The following CDH19 variants were observed in gnomAD, a reference collection of about 807,000 sequenced individuals.
CDH19 encodes cadherin-19.
A neutral mutation model predicts 64.2 loss-of-function variants in CDH19; 67 were observed. That is an observed-to-expected ratio of 1.04 (90% CI 0.86 to 1.28). CDH19 has a LOEUF of 1.28. Ranked by LOEUF, CDH19 falls within the 50% of genes most tolerant of loss-of-function variation. The pLI is 0.00. For missense variants in CDH19, 1,030 were observed against 929.0 expected (o/e 1.11, Z -1.41); for synonymous variants, 346 against 319.3 (o/e 1.08, Z -0.89).
chr18:66,522,445 G>A (rs1415245940), intron 9 of CDH19, among the ~76,000 whole-genome samples: 2 of 151,816 alleles, frequency 1.3e-5, no homozygotes, highest in Admixed American at 1.3e-4. Flanking sequence ...AGACGGGGGT[G>A]CGCCATGTTG....
chr18:66,603,484 A>T lies in CDH19; in HGVS notation c.-113+470T>A, dbSNP rs987593152. Among the ~76,000 whole-genome samples, 83 of 145,632 alleles carry T rather than the reference A, an allele frequency of 5.7e-4. 2 individuals are homozygous for T. Among genetic ancestry groups the T allele is most frequent in the African/African-American group, 2.0e-3 (81 of 41,172 alleles). On this transcript the variant is annotated intron_variant, in intron 1 of 11. Coordinates refer to ENST00000262150, the MANE Select transcript of CDH19 (RefSeq NM_021153.4). ...TTTTTGGAATTATAATATACTTAAA[A>T]TTTTTCATATTTATTCTGTATATAT...
intron 9 of CDH19, among the ~76,000 whole-genome samples, chr18:66,513,713 G>A (rs187307366): frequency 2.6e-5 from 4 of 151,390 alleles, no homozygotes; most frequent in East Asian, 3.9e-4. Flanking sequence ...GGGAACTATC[G>A]TTGACCTTAT....
chr18:66,598,187 A>C (rs1419626355), intron 1 of CDH19, among the ~76,000 whole-genome samples: 2 of 152,190 alleles, frequency 1.3e-5, no homozygotes, highest in Non-Finnish European at 2.9e-5. Flanking sequence ...GAATTCTTAC[A>C]CACTGCTGAT....
chr18:66,583,025 C>T (rs1988469823), intron 1 of CDH19, among the ~76,000 whole-genome samples: 1 of 152,012 alleles, frequency 6.6e-6, no homozygotes, highest in African/African-American at 2.4e-5. Flanking sequence ...ACTATCAGAC[C>T]ATGATTTGCC....
rs1984981213 is a variant in CDH19 at position 66,502,338 on chromosome 18, T to A, written c.*2474A>T. ...TCTTATAATCAACTCAACCAGAATC[T>A]ATTTTAATATATCTCTTTAGTGCCA... On this transcript the variant is annotated 3_prime_UTR_variant, in exon 12 of 12. Transcript: ENST00000262150. 6.6e-6 allele frequency: 1 copy of A among 152,062 alleles called. No homozygotes were observed. The highest frequency in any genetic ancestry group is 6.6e-5 in the Admixed American group (1 of 15,242). 9.4% of individuals were successfully genotyped at this position (152,062 alleles called of 1,614,324 possible). A position where few individuals can be genotyped will look rare whatever the true frequency, so the allele number is the denominator to read the frequency against.
chr18:66,532,071 A>C (rs541641355), intron 8 of CDH19, among the ~76,000 whole-genome samples: 2 of 152,138 alleles, frequency 1.3e-5, no homozygotes, highest in East Asian at 3.9e-4. Flanking sequence ...GGCTCAAGCG[A>C]TTCTCCTGCC....
intron 11 of CDH19, among the ~76,000 whole-genome samples, chr18:66,506,155 C>T (rs1349208677): frequency 6.6e-6 from 1 of 151,772 alleles, no homozygotes; most frequent in African/African-American, 2.4e-5. Flanking sequence ...TGATAGGTAC[C>T]AAGATTTGGA....
intron 4 of CDH19, 54 bp from the exon 5 acceptor site, chr18:66,551,312 C>A: frequency 1.0e-6 from 1 of 995,982 alleles, no homozygotes; most frequent in Non-Finnish European, 1.6e-6. Flanking sequence ...TGACAAAGTT[C>A]TAGTTAATTT....
chr18:66,583,068 CTGTATTGAAGATTTG>C (rs1988471368), intron 1 of CDH19, among the ~76,000 whole-genome samples: 1 of 151,980 alleles, frequency 6.6e-6, no homozygotes, highest in African/African-American at 2.4e-5. Context: ...TTGTATGCTC[CTGTATTGAAGATTTG>C]CCTAAAACAC....
At chr18:66,560,498 A>G (rs1987679770) in intron 3 of CDH19, among the ~76,000 whole-genome samples, 1 of 152,088 alleles carries the variant, frequency 6.6e-6, no homozygotes, top group African/African-American at 2.4e-5. Flanking sequence ...AAAAATAAGA[A>G]TATAAATATT....
rs183200108 is a variant in CDH19, at chr18:66,555,748, A to G, written c.491-1224T>C. Among the ~76,000 whole-genome samples, 329 of 151,906 alleles carry G rather than the reference A, an allele frequency of 2.2e-3. 7 individuals are homozygous for G. Among genetic ancestry groups the G allele is most frequent in the Admixed American group, 0.02 (306 of 15,208 alleles). On this transcript the variant is annotated intron_variant, in intron 3 of 11. Transcript: ENST00000262150. ...TTTGTGAAAGTTTTTCCAACAAAAT[A>G]GTTAACAGGGACCATCACTTTCATT...
In CDH19 at chr18:66,511,546, CATT is replaced by C. The variant is rs1185208966; in HGVS notation, c.1576+19_1576+21del. 7.0e-6 allele frequency: 7 copies of C among 996,650 alleles called. No homozygotes were observed. The highest frequency in any genetic ancestry group is 1.1e-5 in the Non-Finnish European group (7 of 629,080). 61.7% of individuals were successfully genotyped at this position (996,650 alleles called of 1,614,324 possible). On this transcript the variant is annotated intron_variant, in intron 10 of 11. Coordinates refer to ENST00000262150, the MANE Select transcript of CDH19 (RefSeq NM_021153.4). ...TGAGTCACAAAAATGTATCAAAACTCATTATGAGTGAATGACATTACCTTGATT... is the reference window on the plus strand; with the variant it reads ...TGAGTCACAAAAATGTATCAAAACTCATGAGTGAATGACATTACCTTGATT...
chr18:66,578,526 T>G (rs1367516412), intron 1 of CDH19, among the ~76,000 whole-genome samples: 1 of 151,828 alleles, frequency 6.6e-6, no homozygotes, highest in African/African-American at 2.4e-5. Context: ...ACTGCTAGTG[T>G]GAATGTAAAA....
chr18:66,554,390 T>A lies in CDH19; in HGVS notation c.610+15A>T. 1 of 1,609,826 alleles carries A rather than the reference T, an allele frequency of 6.2e-7. No homozygotes were observed. The highest frequency in any genetic ancestry group is 1.7e-5 in the Admixed American group (1 of 59,554). On this transcript the variant is annotated intron_variant, in intron 4 of 11. Coordinates refer to ENST00000262150, the MANE Select transcript of CDH19 (RefSeq NM_021153.4). ...TAGAATCATGTTAAACTTTGCTTGTTTCATTCACAAATACCTGTTGTTGGT... is the reference window on the plus strand; with the variant it reads ...TAGAATCATGTTAAACTTTGCTTGTATCATTCACAAATACCTGTTGTTGGT...
chr18:66,532,840 G>A, intron 8 of CDH19: 1 of 393,578 alleles, frequency 2.5e-6, no homozygotes, highest in South Asian at 2.0e-5. Context: ...GCAAATACAG[G>A]CGGTCACTCC....
chr18:66,501,851 A>C lies in CDH19; in HGVS notation c.*2961T>G. The stretch of plus-strand genomic sequence containing the variant: ...ATTATATGTTCGCTTAATTGAAAGT[A>C]ACTAATTCAAACAAAGATCTGTTAG... On this transcript the variant is annotated 3_prime_UTR_variant, in exon 12 of 12. Transcript: ENST00000262150. The C allele has an allele frequency of 6.6e-6, 1 of 152,124 alleles. No homozygotes were observed. Among genetic ancestry groups the C allele is most frequent in the Non-Finnish European group, 1.5e-5 (1 of 68,018 alleles). The allele number at this position is 152,124 out of a possible 1,614,324, so 9.4% of individuals were successfully genotyped here.
chr18:66,598,716 A>G (rs1302872905), intron 1 of CDH19, among the ~76,000 whole-genome samples: 1 of 152,084 alleles, frequency 6.6e-6, no homozygotes, highest in Non-Finnish European at 1.5e-5. Flanking sequence ...GAATCAAAAA[A>G]CTATCTGTCA....
At chr18:66,527,047 A>ATATG (rs141866109) in intron 9 of CDH19, among the ~76,000 whole-genome samples, 54 of 144,992 alleles carry the variant, frequency 3.7e-4, no homozygotes, top group East Asian at 9.9e-4. Flanking sequence ...ATATATATAT[A>ATATG]TGTGTGTGTG....
At chr18:66,558,980 C>T (rs1003179465) in intron 3 of CDH19, among the ~76,000 whole-genome samples, 1 of 151,916 alleles carries the variant, frequency 6.6e-6, no homozygotes, top group African/African-American at 2.4e-5. Flanking sequence ...CCGTTCATGT[C>T]CTGATTATTG....
Sources: allele counts gnomAD v4.1 joint callset (sites outside exome capture counted in the v4.1 genomes callset), GRCh38; gene constraint gnomAD v4.1.1; transcripts MANE v1.5; gene names NCBI Gene and HGNC (gene_info 2026-07-23, HGNC 2026-07-21).